HNRNPD: variants seen among roughly 807,000 people sequenced by gnomAD.
The protein encoded by HNRNPD is heterogeneous nuclear ribonucleoprotein D.
Under a neutral mutation model 47.9 loss-of-function variants are expected in HNRNPD, and 3 were observed. The observed-to-expected ratio is 0.06, with a 90% CI of 0.03 to 0.16. The LOEUF is 0.16. HNRNPD is among the 10% of genes least tolerant of loss of function. The probability of loss-of-function intolerance (pLI) is 1.00; values close to 1 mark genes in which losing one functional copy is unlikely to be tolerated. For synonymous variants in HNRNPD, 171 were observed against 165.1 expected (o/e 1.04, Z -0.28); for missense variants, 287 against 454.2 (o/e 0.63, Z 3.35).
In HNRNPD at chr4:82,357,430, C is replaced by T; in HGVS notation, c.636G>A (p.Glu212=). Residue 212 remains glutamate (E), a synonymous_variant, in exon 5 of 9, where the codon GAG becomes GAA. Transcript: ENST00000313899. The part of the protein sequence containing the change: ...FGGFGEVESI[E]LPMDNKTNKR... ...TATTGGTCTTGTTGTCCATGGGGAG[C>T]TCTATGGATTCCACCTGGTATTAAA... 6.2e-7 allele frequency: 1 copy of T among 1,607,326 alleles called. No homozygotes were observed.
At chr4:82,359,782 AG>A (rs1723883231) in intron 2 of HNRNPD, 143 bp from the exon 3 acceptor site, 2 of 476,930 alleles carry the variant, frequency 4.2e-6, no homozygotes, top group Non-Finnish European at 7.3e-6. Context: ...ACCACACATC[AG>A]GAACATCCTA....
In HNRNPD at chr4:82,357,305, T is replaced by G; in HGVS notation, c.753+8A>C. 1 of 1,604,100 alleles carries G rather than the reference T, an allele frequency of 6.2e-7. No homozygotes were observed. The highest frequency in any genetic ancestry group is 8.5e-7 in the Non-Finnish European group (1 of 1,176,724). ...TTTTCTCTACAAGTAAATGGATGCT[T>G]AACTTACTTTACTAAGACCAACATT... On this transcript the variant is annotated splice_region_variant and intron_variant, in intron 5 of 8. Transcript: ENST00000313899.
chr4:82,357,619 C>A (rs1723771638), intron 4 of HNRNPD, 175 bp from the exon 5 acceptor site: 2 of 521,542 alleles, frequency 3.8e-6, no homozygotes, highest in Non-Finnish European at 6.5e-6. Context: ...CAAATTAGAA[C>A]ACCCATTCCA....
intron 2 of HNRNPD, among the ~76,000 whole-genome samples, chr4:82,367,077 G>C (rs1008678011): frequency 6.9e-6 from 1 of 145,068 alleles, no homozygotes; most frequent in African/African-American, 2.6e-5. Flanking sequence ...ATGTTGCCTA[G>C]CTGGTCTAGA....
Position 82,357,463 on chromosome 4 carries a change from T to C in HNRNPD, c.622-19A>G. 1 of 1,584,700 alleles carries C rather than the reference T, an allele frequency of 6.3e-7. No homozygotes were observed. The highest frequency in any genetic ancestry group is 8.5e-7 in the Non-Finnish European group (1 of 1,170,776). ...ATTCCACCTGGTATTAAAAAACAAA[T>C]TTTAATATGCTAACATGCATTTTAT... On this transcript the variant is annotated intron_variant, in intron 4 of 8. Transcript: ENST00000313899.
intron 4 of HNRNPD, 87 bp from the exon 5 acceptor site, chr4:82,357,531 A>G (rs988577840): frequency 4.4e-6 from 5 of 1,131,044 alleles, no homozygotes; most frequent in African/African-American, 1.6e-5. Flanking sequence ...GAAAACACAC[A>G]AAGAAAACAT....
At chr4:82,358,472 A>G in intron 4 of HNRNPD, 187 bp downstream of exon 4, 2 of 549,082 alleles carry the variant, frequency 3.6e-6, no homozygotes, top group Non-Finnish European at 6.4e-6. Flanking sequence ...TAGGTGCTCA[A>G]TGAGAAAAAC....
intron 3 of HNRNPD, 78 bp downstream of exon 3, chr4:82,359,393 T>C (rs777500654): frequency 9.5e-7 from 1 of 1,055,594 alleles, no homozygotes; most frequent in Non-Finnish European, 1.3e-6. Flanking sequence ...GAACCACAAA[T>C]AGGCAAACTC....
At chr4:82,365,862 C>T (rs573097412) in intron 2 of HNRNPD, among the ~76,000 whole-genome samples, 2 of 148,882 alleles carry the variant, frequency 1.3e-5, no homozygotes, top group Non-Finnish European at 3.0e-5. Context: ...CTGCCCACCT[C>T]AGCCTCCCAA....
chr4:82,366,653 G>A (rs940450946), intron 2 of HNRNPD, among the ~76,000 whole-genome samples: 4 of 151,888 alleles, frequency 2.6e-5, no homozygotes, highest in Non-Finnish European at 5.9e-5. Flanking sequence ...TGCAACCTCC[G>A]CCTCCAGGGT....
intron 5 of HNRNPD, 151 bp downstream of exon 5, chr4:82,357,162 C>G: frequency 1.2e-6 from 1 of 828,550 alleles, no homozygotes. Flanking sequence ...ATGTGTCCAT[C>G]CTGCTCCCCA....
At chr4:82,367,026 CTTTTTTTTTT>C (rs34807755) in intron 2 of HNRNPD, among the ~76,000 whole-genome samples, 5 of 128,144 alleles carry the variant, frequency 3.9e-5, no homozygotes, top group Non-Finnish European at 6.4e-5. Context: ...ACACACTAGC[CTTTTTTTTTT>C]TTTTTTTTTT....
intron 8 of HNRNPD, 77 bp downstream of exon 8, chr4:82,355,227 A>C (rs960324595): frequency 1.2e-6 from 1 of 800,072 alleles, no homozygotes; most frequent in South Asian, 1.5e-5. Context: ...TCTTAAATTA[A>C]GCATTGTTTT....
chr4:82,364,826 G>C (rs937104129), intron 2 of HNRNPD, among the ~76,000 whole-genome samples: 1 of 152,114 alleles, frequency 6.6e-6, no homozygotes, highest in African/African-American at 2.4e-5. Context: ...CTGGCTGGTG[G>C]AAAATGTTCC....
chr4:82,357,176 A>G (rs942343421), intron 5 of HNRNPD, 137 bp downstream of exon 5: 6 of 937,160 alleles, frequency 6.4e-6, no homozygotes, highest in African/African-American at 5.0e-5. Flanking sequence ...CTCCCCACAA[A>G]AAGTTGGTCA....
At chr4:82,371,819 A>G (rs561485731) in intron 1 of HNRNPD, among the ~76,000 whole-genome samples, 2 of 152,212 alleles carry the variant, frequency 1.3e-5, no homozygotes, top group Non-Finnish European at 2.9e-5. Context: ...ACGAAAACCA[A>G]AATGTTAAAG....
At chr4:82,367,880 A>G (rs1475495799) in intron 2 of HNRNPD, among the ~76,000 whole-genome samples, 2 of 152,252 alleles carry the variant, frequency 1.3e-5, no homozygotes, top group Non-Finnish European at 2.9e-5. Flanking sequence ...CAGGCTATGT[A>G]GTCAATCCTC....
At chr4:82,370,955 T>C (rs1359308288) in intron 2 of HNRNPD, among the ~76,000 whole-genome samples, 3 of 146,234 alleles carry the variant, frequency 2.1e-5, no homozygotes, top group Non-Finnish European at 4.5e-5. Flanking sequence ...AAAGCCACAT[T>C]AGCCCACCTT....
intron 1 of HNRNPD, chr4:82,373,107 GA>G (rs1027154141): frequency 2.6e-5 from 14 of 541,180 alleles, no homozygotes; most frequent in Non-Finnish European, 4.6e-5. Context: ...AGCATGGAAA[GA>G]AAAAAGGTAC....
Sources: allele counts gnomAD v4.1 joint callset (sites outside exome capture counted in the v4.1 genomes callset), GRCh38; gene constraint gnomAD v4.1.1; transcripts MANE v1.5; gene names NCBI Gene and HGNC (gene_info 2026-07-23, HGNC 2026-07-21).